NLRP14: variants seen among roughly 807,000 people sequenced by gnomAD.
The protein encoded by NLRP14 is NACHT, LRR and PYD domains-containing protein 14.
In NLRP14, 105 loss-of-function variants were observed where a neutral mutation model predicts 94.7. The ratio of observed to expected loss-of-function variants is 1.11; its 90% CI spans 0.95 to 1.30. The LOEUF (loss-of-function observed/expected upper bound fraction) is 1.30. Ranked by LOEUF, NLRP14 falls within the 50% of genes most tolerant of loss-of-function variation. The pLI is 0.00. For synonymous variants in NLRP14, 508 were observed against 459.9 expected, an observed-to-expected ratio of 1.10 and a Z score of -1.34; for missense variants, 1,362 against 1,254.1, an observed-to-expected ratio of 1.09 and a Z score of -1.30.
Position 7,070,287 on chromosome 11 carries a change from T to C in NLRP14, c.2977T>C (p.Leu993=), listed in dbSNP as rs200560215. The C allele has an allele frequency of 1.7e-5, 28 of 1,606,326 alleles. No homozygotes were observed. The highest frequency in any genetic ancestry group is 2.0e-5 in the Non-Finnish European group (24 of 1,173,466). The change falls in exon 11 of 12, where the codon TTG becomes CTG. Residue 993 remains leucine, a splice_region_variant and synonymous_variant. Coordinates refer to ENST00000299481, the MANE Select transcript of NLRP14 (RefSeq NM_176822.4). The stretch of plus-strand genomic sequence containing the variant: ...ATCTTTTGTCTCTCTTCTCTACAGG[T>C]TGGAATACTGTGGTTTGACATCTCT... ...YPNCNIQRLG[L]EYCGLTSLCC...
intron 8 of NLRP14, among the ~76,000 whole-genome samples, chr11:7,059,180 A>G (rs1042444969): frequency 4.0e-5 from 6 of 150,114 alleles, no homozygotes; most frequent in Non-Finnish European, 7.4e-5. Flanking sequence ...TATATATCTT[A>G]TAGTTATTAA....
chr11:7,029,324 C>A (rs1320591716), intron 1 of NLRP14, among the ~76,000 whole-genome samples: 1 of 152,158 alleles, frequency 6.6e-6, no homozygotes, highest in Admixed American at 6.5e-5. Flanking sequence ...AACAAATGAA[C>A]AAGTACTACA....
chr11:7,070,403 T>C lies in NLRP14; in HGVS notation c.3093T>C (p.Ile1031=). 6.2e-7 allele frequency: 1 copy of C among 1,610,972 alleles called. No individual in the cohort carries two copies. ...AGAATACCTTAGGATATGAAGGAATTGTGAAGTTATATAAAGTCTTGAAGT... is the reference window on the plus strand; with the variant it reads ...AGAATACCTTAGGATATGAAGGAATCGTGAAGTTATATAAAGTCTTGAAGT... The part of the protein sequence containing the change: ...LTQNTLGYEG[I]VKLYKVLKSP... The change falls in exon 11 of 12, where the codon ATT becomes ATC. Residue 1031 remains isoleucine, a synonymous_variant. Coordinates refer to ENST00000299481, the MANE Select transcript of NLRP14 (RefSeq NM_176822.4).
intron 1 of NLRP14, among the ~76,000 whole-genome samples, chr11:7,021,505 G>A (rs1269495255): frequency 6.6e-6 from 1 of 152,182 alleles, no homozygotes; most frequent in East Asian, 1.9e-4. Context: ...TTTTAAAAAT[G>A]TGGGCTTTGT....
chr11:7,052,383 A>G (rs1852452998), intron 6 of NLRP14, among the ~76,000 whole-genome samples: 1 of 152,248 alleles, frequency 6.6e-6, no homozygotes, highest in African/African-American at 2.4e-5. Flanking sequence ...CTGTAATCCC[A>G]GCACTTTGTG....
chr11:7,088,982 C>T, the NLRP14 span: 2 of 1,011,934 alleles, frequency 2.0e-6, no homozygotes, highest in South Asian at 3.1e-5. Context: ...CAGCGGGGCT[C>T]CGGCTGCGGT....
intron 10 of NLRP14, among the ~76,000 whole-genome samples, chr11:7,065,303 T>C (rs932681881): frequency 6.6e-6 from 1 of 152,166 alleles, no homozygotes; most frequent in African/African-American, 2.4e-5. Flanking sequence ...TCCAAAGTGC[T>C]TACTATATTT....
chr11:7,071,088 C>G, intron 11 of NLRP14, 85 bp from the exon 12 acceptor site: 1 of 1,493,026 alleles, frequency 6.7e-7, no homozygotes, highest in Non-Finnish European at 9.3e-7. Flanking sequence ...AGTTTTTTTT[C>G]TCCTGAAATA....
chr11:7,032,412 A>G (rs1205356832), intron 1 of NLRP14, among the ~76,000 whole-genome samples: 1 of 152,190 alleles, frequency 6.6e-6, no homozygotes, highest in Non-Finnish European at 1.5e-5. Flanking sequence ...AAACACCCTT[A>G]TGCACAAAAC....
At chr11:7,054,344 T>C (rs571933654) in intron 6 of NLRP14, among the ~76,000 whole-genome samples, 8 of 152,252 alleles carry the variant, frequency 5.3e-5, no homozygotes, top group East Asian at 1.9e-4. Context: ...TGCTGGATCA[T>C]ACGGTAGCTC....
intron 9 of NLRP14, among the ~76,000 whole-genome samples, chr11:7,061,207 C>T (rs1041067222): frequency 1.3e-5 from 2 of 152,014 alleles, no homozygotes; most frequent in African/African-American, 4.8e-5. Flanking sequence ...GGCAATTACA[C>T]TGTAGGGTTC....
At position 7,062,457 on chromosome 11, in the gene NLRP14, C is replaced by T. The variant is rs1852638961; in HGVS notation, c.2929C>T (p.Leu977=). The change falls in exon 10 of 12, where the codon CTG becomes TTG. Residue 977 remains leucine (L), a synonymous_variant. Transcript: ENST00000299481. The part of the protein sequence containing the change: ...NDLQDDGVKI[L]CDALRYPNCN... ...TTTGCAGGATGATGGAGTGAAAATT[C>T]TGTGTGATGCTTTGAGATATCCAAA... is the stretch of plus-strand genomic sequence containing the variant. 1 of 1,613,034 alleles carries T rather than the reference C, an allele frequency of 6.2e-7. No homozygotes were observed. Among genetic ancestry groups the T allele is most frequent in the Admixed American group, 1.7e-5 (1 of 59,906 alleles).
the NLRP14 span, chr11:7,090,115 G>T: frequency 1.3e-5 from 21 of 1,612,180 alleles, no homozygotes; most frequent in Non-Finnish European, 1.7e-5. Context: ...AGTTATGGCC[G>T]GAGCGACCGC....
chr11:7,040,245 ACT>A (rs1565015056), intron 3 of NLRP14, among the ~76,000 whole-genome samples: 1 of 152,176 alleles, frequency 6.6e-6, no homozygotes, highest in African/African-American at 2.4e-5. Context: ...ACAGACCCCT[ACT>A]GGTCGGCGGC....
intron 1 of NLRP14, among the ~76,000 whole-genome samples, chr11:7,032,229 G>GT (rs971348969): frequency 7.2e-5 from 11 of 151,908 alleles, no homozygotes; most frequent in East Asian, 3.9e-4. Context: ...GTACATTTTG[G>GT]TTTTTTTTAT....
the NLRP14 span, among the ~76,000 whole-genome samples, chr11:7,078,571 C>G: frequency 6.6e-6 from 1 of 151,570 alleles, no homozygotes; most frequent in Non-Finnish European, 1.5e-5. Context: ...GAGTGGATCA[C>G]CTGAGGTCAG....
intron 1 of NLRP14, among the ~76,000 whole-genome samples, chr11:7,037,412 T>C (rs369469516): frequency 2.4e-4 from 37 of 152,092 alleles, no homozygotes; most frequent in African/African-American, 8.7e-4. Context: ...CCATCCGTCT[T>C]TTTTTTCCAA....
intron 1 of NLRP14, among the ~76,000 whole-genome samples, chr11:7,035,578 G>C (rs544761075): frequency 6.6e-6 from 1 of 152,228 alleles, no homozygotes; most frequent in South Asian, 2.1e-4. Context: ...TACTGAGGCT[G>C]GGAAACTGCT....
chr11:7,039,306 T>C (rs975763665), intron 2 of NLRP14, among the ~76,000 whole-genome samples: 76 of 152,272 alleles, frequency 5.0e-4, no homozygotes, highest in African/African-American at 1.8e-3. Context: ...TTCTCAGGTA[T>C]GAAATATTAT....
Sources: gnomAD v4.1 joint callset for allele counts (sites outside exome capture counted in the v4.1 genomes callset) on GRCh38, gnomAD v4.1.1 for gene constraint, MANE v1.5 for transcripts, NCBI Gene and HGNC (gene_info 2026-07-23, HGNC 2026-07-21) for gene names.